Variants in ACADS observed in about 807,000 individuals in gnomAD.
ACADS encodes the protein short-chain specific acyl-CoA dehydrogenase, mitochondrial.
In ACADS, 28 loss-of-function variants were observed where a neutral mutation model predicts 46.8. The observed-to-expected ratio is 0.60, with a 90% confidence interval of 0.44 to 0.82. The LOEUF (loss-of-function observed/expected upper bound fraction) is 0.82, where lower values mean the gene tolerates loss of function less well. Among genes scored for constraint, ACADS ranks in the 40% least tolerant of loss-of-function variants. The pLI, the probability that ACADS is intolerant of heterozygous loss-of-function variation, is 0.00. For synonymous variants in ACADS, 236 were observed against 237.7 expected (o/e 0.99, Z 0.07); for missense variants, 528 against 578.0 (o/e 0.91, Z 0.89).
chr12:120,734,979 T>G (rs1394794584), intron 2 of ACADS, among the ~76,000 whole-genome samples: 3 of 151,324 alleles, frequency 2.0e-5, no homozygotes, highest in African/African-American at 7.3e-5. Flanking sequence ...CTCGAACTCC[T>G]GGCTTCAAAT....
Position 120,739,322 on chromosome 12 carries a change from C to G in ACADS, c.1113C>G (p.Gly371=). Residue 371 remains glycine (G), a synonymous_variant, in exon 10 of 10, where the codon GGC becomes GGG. Coordinates refer to ENST00000242592, the MANE Select transcript of ACADS (RefSeq NM_000017.4). ...HQAIQILGGM[G]YVTEMPAERH... is the part of the protein sequence containing the mutation. Reference sequence around the variant, plus strand: ...CCATCCAGATCCTGGGCGGCATGGGCTACGTGACAGAGATGCCGGCAGAGC... The same window carrying G: ...CCATCCAGATCCTGGGCGGCATGGGGTACGTGACAGAGATGCCGGCAGAGC... 1.2e-6 allele frequency: 2 copies of G among 1,613,078 alleles called. No homozygotes were observed. Among genetic ancestry groups the G allele is most frequent in the Non-Finnish European group, 1.7e-6 (2 of 1,179,934 alleles).
chr12:120,736,580 T>C (rs1382240256), intron 2 of ACADS, among the ~76,000 whole-genome samples: 1 of 152,090 alleles, frequency 6.6e-6, no homozygotes, highest in African/African-American at 2.4e-5. Flanking sequence ...AGCTGAGGGA[T>C]AGGAGGTGGC....
At chr12:120,733,115 G>T (rs375862525) in intron 2 of ACADS, among the ~76,000 whole-genome samples, 2,075 of 32,214 alleles carry the variant, frequency 0.064, 54 homozygotes, top group African/African-American at 0.18. Context: ...GCAGGCACTC[G>T]GCAGGCTGAG....
chr12:120,739,631 C>G lies in ACADS; in HGVS notation c.*183C>G. The G allele has an allele frequency of 1.4e-6, 1 of 697,754 alleles. No individual in the cohort carries two copies. Among genetic ancestry groups the G allele is most frequent in the South Asian group, 1.9e-5 (1 of 52,742 alleles). 43.2% of individuals were successfully genotyped at this position (697,754 alleles called of 1,614,324 possible). ...CCTCCGACCATTGGCAGCTCCGCCTCTGGGCCTTTCCGCCTCCTCACCACT... is the reference window on the plus strand; with the variant it reads ...CCTCCGACCATTGGCAGCTCCGCCTGTGGGCCTTTCCGCCTCCTCACCACT... On this transcript the variant is annotated 3_prime_UTR_variant, in exon 10 of 10. Transcript: ENST00000242592.
At chr12:120,737,593 T>TGGCAA in intron 4 of ACADS, 126 bp downstream of exon 4, 1 of 1,102,316 alleles carries the variant, frequency 9.1e-7, no homozygotes, top group Non-Finnish European at 1.3e-6. Context: ...GTTGGTAGGG[T>TGGCAA]GAGCGCTCTT....
chr12:120,738,021 C>G (rs749593176), intron 5 of ACADS, 33 bp downstream of exon 5: 3 of 1,612,516 alleles, frequency 1.9e-6, no homozygotes, highest in Non-Finnish European at 8.5e-7. Context: ...TCAGCCGGAT[C>G]CTGGGCTGCT....
intron 2 of ACADS, among the ~76,000 whole-genome samples, chr12:120,731,964 AG>A (rs1409590509): frequency 1.3e-5 from 2 of 152,252 alleles, no homozygotes; most frequent in Admixed American, 1.3e-4. Flanking sequence ...GTAAGGTCAT[AG>A]ATCAACAGCA....
chr12:120,733,581 TGCCTGCTG>T, intron 2 of ACADS, among the ~76,000 whole-genome samples: 3 of 89,100 alleles, frequency 3.4e-5, no homozygotes, highest in South Asian at 3.6e-4. Flanking sequence ...GCTGAAATGG[TGCCTGCTG>T]AAATGGTGCC....
At chr12:120,733,092 C>T (rs979192313) in intron 2 of ACADS, among the ~76,000 whole-genome samples, 3 of 152,252 alleles carry the variant, frequency 2.0e-5, no homozygotes, top group Non-Finnish European at 2.9e-5. Flanking sequence ...CGTGGCGGCG[C>T]GCGCCTGCAA....
At chr12:120,738,508 C>A in intron 6 of ACADS, 25 bp from the exon 7 acceptor site, 1 of 1,606,264 alleles carries the variant, frequency 6.2e-7, no homozygotes, top group Admixed American at 1.7e-5. Flanking sequence ...GGCTGGCGGG[C>A]CACTGACCAG....
intron 2 of ACADS, among the ~76,000 whole-genome samples, chr12:120,734,011 G>A (rs1883353495): frequency 6.6e-6 from 1 of 152,116 alleles, no homozygotes; most frequent in Non-Finnish European, 1.5e-5. Context: ...AGGCTCTGGG[G>A]AAATCCACTC....
chr12:120,731,824 G>A (rs1235727203), intron 2 of ACADS, among the ~76,000 whole-genome samples: 2 of 151,748 alleles, frequency 1.3e-5, no homozygotes, highest in Non-Finnish European at 2.9e-5. Context: ...TTGAGATTAG[G>A]GAGTGGTGAT....
At position 120,737,391 on chromosome 12, in the gene ACADS, C is replaced by T. The variant is rs771846330; in HGVS notation, c.396C>T (p.Ser132=). 1 of 1,614,176 alleles carries T rather than the reference C, an allele frequency of 6.2e-7. No homozygotes were observed. Among genetic ancestry groups the T allele is most frequent in the South Asian group, 1.1e-5 (1 of 91,088 alleles). ...TGGGGCCCATCTTGAAGTTTGGCTC[C>T]AAGGAGCAGAAGCAGGCGTGGGTCA... ...LYLGPILKFG[S]KEQKQAWVTP... Residue 132 remains serine, a synonymous_variant, in exon 4 of 10, where the codon TCC becomes TCT. Transcript: ENST00000242592.
In ACADS at chr12:120,737,116, T is replaced by C. The variant is rs748291332; in HGVS notation, c.341T>C (p.Val114Ala). 11 of 1,589,562 alleles carry C rather than the reference T, an allele frequency of 6.9e-6. No individual in the cohort carries two copies. The East Asian group carries it at 2.1e-4, about 30-fold the overall frequency. Residue 114 changes from valine (V) to alanine (A), a missense_variant, in exon 3 of 10, where the codon GTC becomes GCC. Coordinates refer to ENST00000242592, the MANE Select transcript of ACADS (RefSeq NM_000017.4). ...AGCCGTGGCTGCGCCTCCACCGGAGTCATCATGAGTGTCAACAACGTGAGC... is the reference window on the plus strand; with the variant it reads ...AGCCGTGGCTGCGCCTCCACCGGAGCCATCATGAGTGTCAACAACGTGAGC... ...EISRGCASTG[V>A]IMSVNNSLYL...
chr12:120,729,384 G>C (rs1883188296), intron 2 of ACADS, among the ~76,000 whole-genome samples: 1 of 150,476 alleles, frequency 6.6e-6, no homozygotes, highest in Non-Finnish European at 1.5e-5. Flanking sequence ...CAGCCTCCCA[G>C]GTAGCTGGTA....
intron 2 of ACADS, among the ~76,000 whole-genome samples, chr12:120,731,517 C>T (rs556315138): frequency 1.5e-4 from 23 of 150,946 alleles, no homozygotes; most frequent in South Asian, 1.3e-3. Context: ...TATAGTGGCA[C>T]GATCTTGGCT....
intron 2 of ACADS, among the ~76,000 whole-genome samples, chr12:120,729,190 A>G (rs1445104921): frequency 6.6e-6 from 1 of 152,090 alleles, no homozygotes; most frequent in African/African-American, 2.4e-5. Context: ...ATCAATTTAC[A>G]TAGGTCAGAA....
In ACADS at chr12:120,738,661, G is replaced by A; in HGVS notation, c.924G>A (p.Gln308=). The A allele has an allele frequency of 6.2e-7, 1 of 1,612,030 alleles. No homozygotes were observed. The highest frequency in any genetic ancestry group is 8.5e-7 in the Non-Finnish European group (1 of 1,180,024). ...MAFGAPLTKL[Q]VIQFKLADMA... ...TCGGGGCGCCCCTCACCAAGCTCCA[G>A]GTCATCCAGGTAATGGTGGCAGCTT... The change falls in exon 7 of 10, where the codon CAG becomes CAA. Residue 308 remains glutamine (Q), a synonymous_variant. Coordinates refer to ENST00000242592, the MANE Select transcript of ACADS (RefSeq NM_000017.4).
At chr12:120,736,271 G>C (rs1373268773) in intron 2 of ACADS, among the ~76,000 whole-genome samples, 1 of 152,122 alleles carries the variant, frequency 6.6e-6, no homozygotes, top group African/African-American at 2.4e-5. Context: ...TGTGATCACT[G>C]CTCCTGGCCC....
Sources: gnomAD v4.1 joint callset for allele counts (sites outside exome capture counted in the v4.1 genomes callset) on GRCh38, gnomAD v4.1.1 for gene constraint, MANE v1.5 for transcripts, NCBI Gene and HGNC (gene_info 2026-07-23, HGNC 2026-07-21) for gene names.